The following ATG2A variants were observed in gnomAD, a reference collection of about 807,000 sequenced individuals.
ATG2A encodes the protein autophagy-related protein 2 homolog A.
ATG2A carries 103 observed loss-of-function variants against 214.2 expected under a neutral mutation model. The observed-to-expected ratio is 0.48, with a 90% confidence interval of 0.41 to 0.57. The LOEUF is 0.57. ATG2A is among the 20% of genes least tolerant of loss of function. The pLI, the probability that ATG2A is intolerant of heterozygous loss-of-function variation, is 0.00. For missense variants in ATG2A, 2,312 were observed against 2,613.2 expected (o/e 0.88, Z 2.51); for synonymous variants, 1,160 against 1,142.1 (o/e 1.02, Z -0.32).
rs1344192038 is a variant in ATG2A at position 64,913,672 on chromosome 11, T to C, written c.590+149A>G. 3 of 866,122 alleles carry C rather than the reference T, an allele frequency of 3.5e-6. No individual in the cohort carries two copies. In the East Asian group the frequency reaches 8.0e-5, roughly 23 times the overall value. The allele number at this position is 866,122 out of a possible 1,614,324, so 53.7% of individuals were successfully genotyped here. On this transcript the variant is annotated intron_variant, in intron 4 of 40. Coordinates refer to ENST00000377264, the MANE Select transcript of ATG2A (RefSeq NM_015104.3). This position sits in a 1 kb window ranked among gnomAD's most constrained non-coding sequence, Gnocchi z 4.3. Reference sequence around the variant, plus strand: ...TCTGGACACCAGTCCGGGCTCACGATGCAGCCCACCTCCCCAACCCTACCA... The same window carrying C: ...TCTGGACACCAGTCCGGGCTCACGACGCAGCCCACCTCCCCAACCCTACCA...
Position 64,903,209 on chromosome 11 carries a change from G to A in ATG2A, c.3612+79C>T, listed in dbSNP as rs1289021497. 6 of 1,372,584 alleles carry A rather than the reference G, an allele frequency of 4.4e-6. No individual in the cohort carries two copies. The African/African-American group carries it at 8.6e-5, about 20-fold the overall frequency. The allele number at this position is 1,372,584 out of a possible 1,614,324, so 85.0% of individuals were successfully genotyped here. A position where few individuals can be genotyped will look rare whatever the true frequency, so the allele number is the denominator to read the frequency against. On this transcript the variant is annotated intron_variant, in intron 26 of 40. Transcript: ENST00000377264. The surrounding 1 kb of genome is among the most constrained non-coding windows in gnomAD (Gnocchi z 4.2). ...CTGTGTCCGGAGCCCAGGCACGTGA[G>A]GGAGCAGCAGCCCCTGAAGACTCCC...
chr11:64,901,581 G>C (rs867909900), intron 29 of ATG2A, among the ~76,000 whole-genome samples: 4 of 152,122 alleles, frequency 2.6e-5, no homozygotes, highest in Middle Eastern at 3.2e-3. Flanking sequence ...GAGAATGCCA[G>C]GCTCCTGCCA....
At position 64,905,670 on chromosome 11, in the gene ATG2A, C is replaced by G; in HGVS notation, c.3372-15G>C. 1 of 1,613,632 alleles carries G rather than the reference C, an allele frequency of 6.2e-7. No individual in the cohort carries two copies. Among genetic ancestry groups the G allele is most frequent in the Non-Finnish European group, 8.5e-7 (1 of 1,179,846 alleles). On this transcript the variant is annotated splice_polypyrimidine_tract_variant and intron_variant, in intron 23 of 40. Transcript: ENST00000377264. ...GGTAGAGTGGCCTGGGGGTGATACT[C>G]GGGCTGGGGCCGGCTCCTTACACCT...
chr11:64,900,814 T>G, intron 30 of ATG2A, 70 bp downstream of exon 30: 1 of 1,493,814 alleles, frequency 6.7e-7, no homozygotes, highest in South Asian at 1.3e-5. Flanking sequence ...CTCCAGCTGC[T>G]GAAAGTCAGA....
At position 64,909,843 on chromosome 11, in the gene ATG2A, T is replaced by C. The variant is rs761660456; in HGVS notation, c.1945A>G (p.Ile649Val). 5 of 1,610,268 alleles carry C rather than the reference T, an allele frequency of 3.1e-6. No individual in the cohort carries two copies. The highest frequency in any genetic ancestry group is 3.3e-5 in the Admixed American group (2 of 59,944). The change falls in exon 14 of 41, where the codon ATT (isoleucine) becomes GTT (valine). Residue 649 changes from isoleucine to valine, a missense_variant. Transcript: ENST00000377264. ...TCCGGCTCAGGCCGCAGGTCGGCAA[T>C]GGGGAAGCGCAGCCGCAGCGTGGCC... ...PRATLRLRFP[I>V]ADLRPEPDPW...
chr11:64,897,737 GA>G lies in ATG2A; in HGVS notation c.5000del (p.Phe1667SerfsTer41). On this transcript the variant is annotated frameshift_variant, in exon 36 of 41. Transcript: ENST00000377264. LOFTEE classifies it high-confidence loss of function. ...AGATGGGGACCTCAGACGTGAAGCG[GA>G]ACTCTCTGGGTAGGGGAGCAGGAAG... The part of the protein sequence containing the change: ...PDQQPIYFRE[F>X]RFTSEVPIWL... 1 of 1,614,242 alleles carries G rather than the reference GA, an allele frequency of 6.2e-7. No individual in the cohort carries two copies. The highest frequency in any genetic ancestry group is 8.5e-7 in the Non-Finnish European group (1 of 1,180,028).
At position 64,909,918 on chromosome 11, in the gene ATG2A, G is replaced by T; in HGVS notation, c.1870C>A (p.Pro624Thr). The T allele has an allele frequency of 6.2e-7, 1 of 1,600,900 alleles. No homozygotes were observed. Among genetic ancestry groups the T allele is most frequent in the Non-Finnish European group, 8.5e-7 (1 of 1,174,414 alleles). ...AEPPAGLLTE[P>T]LPAMEQQTVF... is the part of the protein sequence containing the mutation. ...GTCTGCTGCTCCATCGCCGGCAGGG[G>T]CTCTGTCTGCAGGAGGATTGGGGGT... Residue 624 changes from proline (P) to threonine (T), a missense_variant, in exon 14 of 41, where the codon CCC (proline) becomes ACC (threonine). Transcript: ENST00000377264.
In ATG2A at chr11:64,903,249, TGCTGTGGC is replaced by T. The variant is rs766708797; in HGVS notation, c.3612+31_3612+38del. The stretch of plus-strand genomic sequence containing the variant: ...TGAAGACTCCCTTGGCCCCTGCACC[TGCTGTGGC>T]TCCAGGAGCCAGAGTGACAGCCTCA... On this transcript the variant is annotated intron_variant, in intron 26 of 40. Transcript: ENST00000377264. The surrounding 1 kb of genome is among the most constrained non-coding windows in gnomAD (Gnocchi z 4.2). The T allele has an allele frequency of 1.5e-5, 24 of 1,595,282 alleles. No homozygotes were observed. The highest frequency in any genetic ancestry group is 2.0e-5 in the Non-Finnish European group (23 of 1,163,790).
Position 64,910,821 on chromosome 11 carries a change from G to A in ATG2A, c.1600C>T (p.Pro534Ser). 1 of 1,609,772 alleles carries A rather than the reference G, an allele frequency of 6.2e-7. No individual in the cohort carries two copies. Among genetic ancestry groups the A allele is most frequent in the Non-Finnish European group, 8.5e-7 (1 of 1,178,452 alleles). Residue 534 changes from proline (P) to serine (S), a missense_variant, in exon 11 of 41, where the codon CCT (proline) becomes TCT (serine). Transcript: ENST00000377264. ...ECLWPRGTSE[P>S]EYTEILTFPG... ...TCTGCCCTCACCTCCGTGTACTCAGGCTCAGAGGTGCCCCGGGGCCACAGA... is the reference window on the plus strand; with the variant it reads ...TCTGCCCTCACCTCCGTGTACTCAGACTCAGAGGTGCCCCGGGGCCACAGA...
In ATG2A at chr11:64,895,164, C is replaced by T. The variant is rs749287772; in HGVS notation, c.5626G>A (p.Gly1876Ser). The change falls in exon 41 of 41, where the codon GGC (glycine) becomes AGC (serine). Residue 1876 changes from glycine (G) to serine (S), a missense_variant. Transcript: ENST00000377264. This position sits in a 1 kb window ranked among gnomAD's most constrained non-coding sequence, Gnocchi z 5.0. ...AQTICDVASR[G>S]HEQKGLTGAV... ...CCCGTCAGCCCCTTCTGCTCATGGC[C>T]CCGCGATGCCACGTCACAGATGGTC... is the stretch of plus-strand genomic sequence containing the variant. 2.5e-6 allele frequency: 4 copies of T among 1,613,028 alleles called. No homozygotes were observed. Among genetic ancestry groups the T allele is most frequent in the Non-Finnish European group, 3.4e-6 (4 of 1,179,678 alleles).
Position 64,901,042 on chromosome 11 carries a change from A to C in ATG2A, c.4170T>G (p.Val1390=), listed in dbSNP as rs1415971294. ...VVTQLHPGPI[V]VRDGYFSRPI... is the part of the protein sequence containing the mutation. The stretch of plus-strand genomic sequence containing the variant: ...GCCGTGAGAAGTAACCGTCCCTCAC[A>C]ACGATGGGGCCGGGATGCAGCTGTG... The change falls in exon 30 of 41, where the codon GTT becomes GTG. Residue 1390 remains valine (V), a synonymous_variant. Transcript: ENST00000377264. The C allele has an allele frequency of 8.2e-6, 13 of 1,586,996 alleles. No individual in the cohort carries two copies. Among genetic ancestry groups the C allele is most frequent in the Non-Finnish European group, 1.1e-5 (13 of 1,166,748 alleles).
rs1273371886 is a variant in ATG2A at position 64,897,905 on chromosome 11, C to T, written c.4928G>A (p.Gly1643Asp). 6.4e-7 allele frequency: 1 copy of T among 1,563,402 alleles called. No homozygotes were observed. Among genetic ancestry groups the T allele is most frequent in the Admixed American group, 1.8e-5 (1 of 54,140 alleles). Reference sequence around the variant, plus strand: ...TCCACCTCCTGGGGCCTCCTGCGAACCAGTGGTCTCTACGCCTTCGGCCTG... The same window carrying T: ...TCCACCTCCTGGGGCCTCCTGCGAATCAGTGGTCTCTACGCCTTCGGCCTG... ...EGQAEGVETT[G>D]SQEAPGGGHS... The change falls in exon 35 of 41, where the codon GGT (glycine) becomes GAT (aspartate). Residue 1643 changes from glycine (G) to aspartate (D), a missense_variant. Coordinates refer to ENST00000377264, the MANE Select transcript of ATG2A (RefSeq NM_015104.3).
At chr11:64,906,057 C>T in intron 22 of ATG2A, 56 bp downstream of exon 22, 1 of 1,534,180 alleles carries the variant, frequency 6.5e-7, no homozygotes, top group Non-Finnish European at 8.8e-7. Flanking sequence ...ACCTGCTTGC[C>T]CAAAACAGAA....
chr11:64,896,794 G>C lies in ATG2A; in HGVS notation c.5226C>G (p.Pro1742=). The change falls in exon 38 of 41, where the codon CCC becomes CCG. Residue 1742 remains proline (P), a synonymous_variant. Coordinates refer to ENST00000377264, the MANE Select transcript of ATG2A (RefSeq NM_015104.3). ...TGGGGCCCACGCCTCCCAGCAGGCC[G>C]GGCAGCTGGTTCTTGCGGATGTCCT... ...WLQDIRKNQL[P]GLLGGVGPMH... 1 of 1,614,206 alleles carries C rather than the reference G, an allele frequency of 6.2e-7. No homozygotes were observed.
At chr11:64,912,757 C>A in intron 6 of ATG2A, 1 of 452,098 alleles carries the variant, frequency 2.2e-6, no homozygotes, top group Non-Finnish European at 4.0e-6. Flanking sequence ...CCACGCCTGG[C>A]TAATTTTGTA....
rs1327229251 is a variant in ATG2A, at chr11:64,907,754, T to C, written c.2501A>G (p.Tyr834Cys). The change falls in exon 17 of 41, where the codon TAC becomes TGC. Residue 834 changes from tyrosine (Y) to cysteine (C), a missense_variant. Transcript: ENST00000377264. Reference protein sequence around the residue: ...LPSKEVYESIYNRINNDLLMW... With the variant: ...LPSKEVYESICNRINNDLLMW... ...GCTGGCCCCGGGTCTCCACCTGTTG[T>C]AGATGCTCTCGTAGACCTCCTTGCT... 7 of 1,613,236 alleles carry C rather than the reference T, an allele frequency of 4.3e-6. No homozygotes were observed. The highest frequency in any genetic ancestry group is 4.5e-5 in the East Asian group (2 of 44,896).
intron 9 of ATG2A, 119 bp from the exon 10 acceptor site, chr11:64,911,394 G>A: frequency 9.7e-7 from 1 of 1,026,642 alleles, no homozygotes; most frequent in Non-Finnish European, 1.4e-6. Context: ...ATGTGGCTCT[G>A]GCAGAAGGCT....
In ATG2A at chr11:64,895,009, G is replaced by A. The variant is rs750949153; in HGVS notation, c.5781C>T (p.His1927=). ...CACTGTCCGAGCGCCACTTGAGGGC[G>A]TGGTCCTTGTGGGCGTCGGGGACAA... ...NQIVPDAHKD[H]ALKWRSDSAQ... is the part of the protein sequence containing the mutation. The change falls in exon 41 of 41, where the codon CAC becomes CAT. Residue 1927 remains histidine (H), a synonymous_variant. Coordinates refer to ENST00000377264, the MANE Select transcript of ATG2A (RefSeq NM_015104.3). This position sits in a 1 kb window ranked among gnomAD's most constrained non-coding sequence, Gnocchi z 5.0. 1.1e-5 allele frequency: 18 copies of A among 1,612,758 alleles called. No homozygotes were observed. Among genetic ancestry groups the A allele is most frequent in the Admixed American group, 1.0e-4 (6 of 59,974 alleles).
At chr11:64,901,661 C>A (rs1481557349) in intron 29 of ATG2A, among the ~76,000 whole-genome samples, 1 of 152,142 alleles carries the variant, frequency 6.6e-6, no homozygotes. Flanking sequence ...GGTTCTCCAT[C>A]CCTCTTGCTA....
Sources: gnomAD v4.1 joint callset for allele counts (sites outside exome capture counted in the v4.1 genomes callset) on GRCh38, gnomAD v4.1.1 for gene constraint, Gnocchi (gnomAD v3.1) non-coding constraint, MANE v1.5 for transcripts, NCBI Gene and HGNC (gene_info 2026-07-23, HGNC 2026-07-21) for gene names.